Variants in PRRG1 observed in about 807,000 individuals in gnomAD.
PRRG1 encodes the protein proline rich and Gla domain 1.
Under a neutral mutation model 11.8 loss-of-function variants are expected in PRRG1, and 5 were observed. That is an observed-to-expected ratio of 0.42 (90% CI 0.22 to 0.89). The LOEUF (loss-of-function observed/expected upper bound fraction) is 0.89. Among genes scored for constraint, PRRG1 ranks in the 40% least tolerant of loss-of-function variants. The probability of loss-of-function intolerance (pLI) is 0.28; values close to 1 mark genes in which losing one functional copy is unlikely to be tolerated. For synonymous variants in PRRG1, 66 were observed against 60.4 expected (o/e 1.09, Z -0.43); for missense variants, 155 against 166.1 (o/e 0.93, Z 0.37).
At chrX:37,410,508 A>G (rs1224573275) in intron 2 of PRRG1, among the ~76,000 whole-genome samples, 1 of 111,975 alleles carries the variant, frequency 8.9e-6, no homozygotes, top group African/African-American at 3.2e-5. Flanking sequence ...TTATTTTTTG[A>G]TATCTGCAAT....
chrX:37,399,337 A>G (rs1481794783), intron 1 of PRRG1, among the ~76,000 whole-genome samples: 3 of 110,126 alleles, frequency 2.7e-5, no homozygotes, highest in African/African-American at 1.0e-4. Context: ...CAACATTCTT[A>G]AAGAAAAGAA....
chrX:37,400,613 G>A (rs1431413102), intron 1 of PRRG1, among the ~76,000 whole-genome samples: 2 of 110,921 alleles, frequency 1.8e-5, no homozygotes, highest in Admixed American at 1.9e-4. Context: ...GCCAGCAGAA[G>A]GCAAAAAAAT....
rs190095549 is a variant in PRRG1, at chrX:37,418,167, C to T, written c.11-7673C>T. On this transcript the variant is annotated intron_variant, in intron 2 of 3. Transcript: ENST00000378628. ...AGCTGCAACAGGAATCCATATATCCCGACTACAAATTCAGGGCCTTTTTAC... is the reference window on the plus strand; with the variant it reads ...AGCTGCAACAGGAATCCATATATCCTGACTACAAATTCAGGGCCTTTTTAC... Among the ~76,000 whole-genome samples, 4 of 112,292 alleles carry T rather than the reference C, an allele frequency of 3.6e-5. No homozygotes were observed. The Admixed American group carries it at 3.8e-4, about 11-fold the overall frequency.
At chrX:37,401,807 G>T (rs1446933931) in intron 1 of PRRG1, among the ~76,000 whole-genome samples, 6 of 111,220 alleles carry the variant, frequency 5.4e-5, no homozygotes, top group Non-Finnish European at 9.4e-5. Context: ...AAAAATCAAT[G>T]TACAAAAATG....
chrX:37,449,881 A>G (rs1190289296), intron 3 of PRRG1, among the ~76,000 whole-genome samples: 5 of 112,640 alleles, frequency 4.4e-5, no homozygotes, highest in African/African-American at 1.6e-4. Context: ...GCTGATTTCA[A>G]AAGAAAAAGA....
chrX:37,388,848 C>T (rs782681115), intron 1 of PRRG1, among the ~76,000 whole-genome samples: 144 of 112,920 alleles, frequency 1.3e-3, no homozygotes, highest in Non-Finnish European at 2.0e-3. Flanking sequence ...TTTCCTACCA[C>T]GTGGCCAGGC....
intron 1 of PRRG1, among the ~76,000 whole-genome samples, chrX:37,395,395 A>C (rs926726820): frequency 1.9e-4 from 21 of 111,492 alleles, no homozygotes; most frequent in Non-Finnish European, 3.0e-4. Flanking sequence ...CGGGCGAATC[A>C]CGAGGTCAGG....
At chrX:37,411,494 T>C (rs1407342074) in intron 2 of PRRG1, among the ~76,000 whole-genome samples, 1 of 112,571 alleles carries the variant, frequency 8.9e-6, no homozygotes, top group Non-Finnish European at 1.9e-5. Context: ...CTACAATGAA[T>C]ATTTTTCAGT....
In PRRG1 at chrX:37,357,738, A is replaced by G. The variant is rs188867811; in HGVS notation, c.-42+8343A>G. Among the ~76,000 whole-genome samples the G allele has an allele frequency of 1.2e-3, 131 of 112,169 alleles. 1 individual carries two copies. Among genetic ancestry groups the G allele is most frequent in the South Asian group, 4.4e-3 (12 of 2,701 alleles). On this transcript the variant is annotated intron_variant, in intron 1 of 3. Coordinates refer to ENST00000378628, the MANE Select transcript of PRRG1 (RefSeq NM_001142395.2). ...GCATGTATAGGAGTTGGTACTATCC[A>G]AGATTTCAGGCACCCTTTGGGGTCT...
At chrX:37,398,323 G>A (rs1000361008) in intron 1 of PRRG1, among the ~76,000 whole-genome samples, 2 of 111,864 alleles carry the variant, frequency 1.8e-5, no homozygotes, top group Non-Finnish European at 3.8e-5. Context: ...CGCGGTTCAC[G>A]AGAATCCGCT....
chrX:37,456,513 A>G lies in PRRG1; in HGVS notation c.*2892A>G, dbSNP rs967093813. On this transcript the variant is annotated 3_prime_UTR_variant, in exon 4 of 4. Transcript: ENST00000378628. ...CATTCTACTTCACAGTAATAGCTCT[A>G]TCAGCCACAGATCTCATGGTGGCTG... 1.8e-5 allele frequency: 2 copies of G among 112,491 alleles called. No individual in the cohort carries two copies. The highest frequency in any genetic ancestry group is 1.9e-4 in the Admixed American group (2 of 10,641). 9.3% of individuals were successfully genotyped at this position (112,491 alleles called of 1,213,427 possible).
chrX:37,379,968 T>C (rs1285884722), intron 1 of PRRG1, among the ~76,000 whole-genome samples: 1 of 111,504 alleles, frequency 9.0e-6, no homozygotes, highest in Non-Finnish European at 1.9e-5. Flanking sequence ...GTACTACAGA[T>C]TTGAATGCCA....
Position 37,402,318 on chromosome X carries a change from C to T in PRRG1, c.-41-3891C>T, listed in dbSNP as rs781948859. 1.5e-4 allele frequency among the ~76,000 whole-genome samples: 17 copies of T among 111,369 alleles called. No homozygotes were observed. The South Asian group carries it at 6.6e-3, about 43-fold the overall frequency. On this transcript the variant is annotated intron_variant, in intron 1 of 3. Transcript: ENST00000378628. ...GACCAATGGAACAGAACAGAGCCCT[C>T]AGAAATAATACTGCATATCTACAAC...
rs887171349 is a variant in PRRG1 at position 37,456,138 on chromosome X, C to A, written c.*2517C>A. 1 of 111,516 alleles carries A rather than the reference C, an allele frequency of 9.0e-6. No homozygotes were observed. The highest frequency in any genetic ancestry group is 1.9e-5 in the Non-Finnish European group (1 of 53,095). The allele number at this position is 111,516 out of a possible 1,213,427, so 9.2% of individuals were successfully genotyped here. ...TTTACTATGTTTAAATAAGTTAATA[C>A]TTTAAAAATTTTCAGGTTTTTTTAG... On this transcript the variant is annotated 3_prime_UTR_variant, in exon 4 of 4. Coordinates refer to ENST00000378628, the MANE Select transcript of PRRG1 (RefSeq NM_001142395.2).
At chrX:37,403,733 A>G (rs1556381211) in intron 1 of PRRG1, 1 of 751,025 alleles carries the variant, frequency 1.3e-6, no homozygotes, top group Admixed American at 8.9e-5. Flanking sequence ...CTAGAACAGC[A>G]GAGGATCCGA....
chrX:37,364,529 A>G (rs1930509722), intron 1 of PRRG1, among the ~76,000 whole-genome samples: 1 of 112,207 alleles, frequency 8.9e-6, no homozygotes, highest in African/African-American at 3.2e-5. Flanking sequence ...AGTGAAGACA[A>G]TAATATTCTC....
intron 1 of PRRG1, among the ~76,000 whole-genome samples, chrX:37,387,120 G>A (rs781934768): frequency 8.9e-6 from 1 of 111,906 alleles, no homozygotes; most frequent in African/African-American, 3.2e-5. Context: ...TTCATAAGGT[G>A]AGAGATACCC....
Position 37,453,708 on chromosome X carries a change from G to T in PRRG1, c.*87G>T. The T allele has an allele frequency of 1.1e-6, 1 of 946,096 alleles. No homozygotes were observed. The highest frequency in any genetic ancestry group is 3.4e-5 in the South Asian group (1 of 29,338). The allele number at this position is 946,096 out of a possible 1,213,427, so 78.0% of individuals were successfully genotyped here. On this transcript the variant is annotated 3_prime_UTR_variant, in exon 4 of 4. Coordinates refer to ENST00000378628, the MANE Select transcript of PRRG1 (RefSeq NM_001142395.2). Reference sequence around the variant, plus strand: ...CTTTACCACTACATAAATGTTCATTGACTTATTTTATTGGACTCTTACCGC... The same window carrying T: ...CTTTACCACTACATAAATGTTCATTTACTTATTTTATTGGACTCTTACCGC...
intron 1 of PRRG1, among the ~76,000 whole-genome samples, chrX:37,380,020 A>T (rs1017099437): frequency 5.5e-5 from 6 of 109,935 alleles, no homozygotes; most frequent in African/African-American, 1.3e-4. Flanking sequence ...TCCTGGGCTG[A>T]TGAAGATACA....
Sources: allele counts gnomAD v4.1 joint callset (sites outside exome capture counted in the v4.1 genomes callset), GRCh38; gene constraint gnomAD v4.1.1; transcripts MANE v1.5; gene names NCBI Gene and HGNC (gene_info 2026-07-23, HGNC 2026-07-21).